Variants in PCCB observed in about 807,000 individuals in gnomAD.
PCCB encodes the protein propionyl-CoA carboxylase beta chain, mitochondrial.
A neutral mutation model predicts 60.7 loss-of-function variants in PCCB; 43 were observed. The observed-to-expected ratio is 0.71, with a 90% CI of 0.55 to 0.91. PCCB has a LOEUF of 0.91. Ranked by LOEUF, PCCB falls within the 40% of genes least tolerant of loss-of-function variation. The probability of loss-of-function intolerance (pLI) is 0.00; values close to 1 mark genes in which losing one functional copy is unlikely to be tolerated. For synonymous variants in PCCB, 276 were observed against 255.9 expected (o/e 1.08, Z -0.75); for missense variants, 766 against 702.8 (o/e 1.09, Z -1.02).
At chr3:136,252,128 C>T (rs1016133247) in intron 1 of PCCB, among the ~76,000 whole-genome samples, 7 of 151,916 alleles carry the variant, frequency 4.6e-5, no homozygotes, top group Middle Eastern at 3.4e-3. Context: ...GTGATTCACC[C>T]ACCTTGGCGT....
At chr3:136,302,970 T>G (rs1230930686) in intron 9 of PCCB, among the ~76,000 whole-genome samples, 1 of 121,892 alleles carries the variant, frequency 8.2e-6, no homozygotes, top group African/African-American at 2.5e-5. Flanking sequence ...TGTAGTCCCA[T>G]TTACTTGGGA....
chr3:136,261,607 G>T (rs963824870), intron 4 of PCCB, among the ~76,000 whole-genome samples: 12 of 152,188 alleles, frequency 7.9e-5, no homozygotes, highest in Admixed American at 6.5e-4. Flanking sequence ...TCTGTCTACT[G>T]TAAGTTCTGT....
intron 7 of PCCB, among the ~76,000 whole-genome samples, chr3:136,295,612 A>G (rs558011020): frequency 6.6e-6 from 1 of 152,330 alleles, no homozygotes; most frequent in South Asian, 2.1e-4. Context: ...CTTAGATTTG[A>G]TGAAATATGC....
rs372617301 is a variant in PCCB at position 136,297,942 on chromosome 3, G to A, written c.764-10G>A. 3.1e-6 allele frequency: 5 copies of A among 1,613,962 alleles called. No individual in the cohort carries two copies. Among genetic ancestry groups the A allele is most frequent in the African/African-American group, 2.7e-5 (2 of 74,930 alleles). On this transcript the variant is annotated splice_polypyrimidine_tract_variant and intron_variant, in intron 7 of 14. Coordinates refer to ENST00000251654, the MANE Select transcript of PCCB (RefSeq NM_000532.5). Reference sequence around the variant, plus strand: ...CCTGACTCAATCATATATGCTCCCTGTTCTCTTAGGTGTGGCCCACAGAGC... The same window carrying A: ...CCTGACTCAATCATATATGCTCCCTATTCTCTTAGGTGTGGCCCACAGAGC...
intron 6 of PCCB, among the ~76,000 whole-genome samples, chr3:136,284,967 G>C (rs563914457): frequency 6.6e-6 from 1 of 151,612 alleles, no homozygotes; most frequent in East Asian, 1.9e-4. Flanking sequence ...GCATACCTGT[G>C]GTCCCAGCTA....
intron 7 of PCCB, among the ~76,000 whole-genome samples, chr3:136,294,261 G>A (rs535875068): frequency 1.6e-4 from 25 of 152,002 alleles, no homozygotes; most frequent in Non-Finnish European, 3.4e-4. Flanking sequence ...CCAATCATTG[G>A]CCAGGTGCAT....
At chr3:136,296,668 C>G (rs1933955125) in intron 7 of PCCB, among the ~76,000 whole-genome samples, 1 of 152,178 alleles carries the variant, frequency 6.6e-6, no homozygotes, top group African/African-American at 2.4e-5. Context: ...AACTGACAGA[C>G]TCTCTTCCAA....
intron 5 of PCCB, among the ~76,000 whole-genome samples, chr3:136,281,280 G>A (rs1942468035): frequency 6.6e-6 from 1 of 151,742 alleles, no homozygotes. Flanking sequence ...TTTCCCACAG[G>A]TCCCTCAGGC....
chr3:136,308,707 A>G (rs556788), intron 9 of PCCB, among the ~76,000 whole-genome samples: 56,122 of 152,096 alleles, frequency 0.37, 12,820 homozygotes, highest in East Asian at 0.81. Flanking sequence ...AGAAAACATC[A>G]TTAAATCCCA....
intron 9 of PCCB, among the ~76,000 whole-genome samples, chr3:136,312,351 C>A (rs1421348928): frequency 1.3e-5 from 2 of 152,146 alleles, no homozygotes; most frequent in Middle Eastern, 3.2e-3. Flanking sequence ...GCAGTTGTAA[C>A]ACAATGGTAA....
intron 5 of PCCB, among the ~76,000 whole-genome samples, chr3:136,273,578 C>CTTTTTTTT (rs56936911): frequency 8.4e-5 from 5 of 59,176 alleles, no homozygotes; most frequent in South Asian, 5.4e-4. Context: ...CTTTTTCTTT[C>CTTTTTTTT]TTTTTTTTTT....
At chr3:136,274,117 C>A (rs544882911) in intron 5 of PCCB, among the ~76,000 whole-genome samples, 47 of 151,874 alleles carry the variant, frequency 3.1e-4, no homozygotes, top group African/African-American at 1.1e-3. Flanking sequence ...ATCATTTAGG[C>A]CATTTACGTT....
At chr3:136,267,026 G>A (rs1479219035) in intron 5 of PCCB, among the ~76,000 whole-genome samples, 1 of 152,112 alleles carries the variant, frequency 6.6e-6, no homozygotes, top group Non-Finnish European at 1.5e-5. Context: ...GGGATTACAG[G>A]TGCATGCCAC....
intron 6 of PCCB, among the ~76,000 whole-genome samples, chr3:136,287,053 A>C (rs1291430755): frequency 6.6e-6 from 1 of 151,852 alleles, no homozygotes; most frequent in African/African-American, 2.4e-5. Context: ...AAAAATAATA[A>C]AAATAACCCA....
intron 6 of PCCB, among the ~76,000 whole-genome samples, chr3:136,287,089 C>T (rs1398545610): frequency 6.6e-6 from 1 of 151,596 alleles, no homozygotes; most frequent in Non-Finnish European, 1.5e-5. Flanking sequence ...CTTCAAGAGC[C>T]CTGTCATCAT....
Position 136,299,868 on chromosome 3 carries a change from A to G in PCCB, c.885-1162A>G, listed in dbSNP as rs1934167586. 1.3e-5 allele frequency among the ~76,000 whole-genome samples: 2 copies of G among 151,428 alleles called. 1 individual carries two copies. Among genetic ancestry groups the G allele is most frequent in the African/African-American group, 4.9e-5 (2 of 41,034 alleles). ...TGTATATGCATGCATATGTATGTAT[A>G]TGCATGCATGTGTATGTACGTATAT... On this transcript the variant is annotated intron_variant, in intron 8 of 14. Coordinates refer to ENST00000251654, the MANE Select transcript of PCCB (RefSeq NM_000532.5).
chr3:136,318,035 A>T (rs2108227900), intron 10 of PCCB, among the ~76,000 whole-genome samples: 1 of 152,200 alleles, frequency 6.6e-6, no homozygotes, highest in African/African-American at 2.4e-5. Context: ...GAAATTTTTT[A>T]TTGTCTTTAG....
chr3:136,329,825 T>C, intron 14 of PCCB, 80 bp from the exon 15 acceptor site: 13 of 1,520,826 alleles, frequency 8.5e-6, no homozygotes, highest in Non-Finnish European at 1.1e-5. Context: ...CCAGGGATGG[T>C]GCCCAGGCTG....
At chr3:136,262,449 A>G (rs1272950482) in intron 5 of PCCB, among the ~76,000 whole-genome samples, 2 of 152,228 alleles carry the variant, frequency 1.3e-5, no homozygotes, top group Admixed American at 6.5e-5. Context: ...TAGTTAAAAC[A>G]CTACAGGATT....
Sources: allele counts gnomAD v4.1 joint callset (sites outside exome capture counted in the v4.1 genomes callset), GRCh38; gene constraint gnomAD v4.1.1; transcripts MANE v1.5; gene names NCBI Gene and HGNC (gene_info 2026-07-23, HGNC 2026-07-21).